Variants in ATRX observed in about 807,000 individuals in gnomAD.
ATRX encodes the protein chromatin remodeler ATRX.
Under a neutral mutation model 172.6 loss-of-function variants are expected in ATRX, and 12 were observed. That is an observed-to-expected ratio of 0.07 (90% CI 0.04 to 0.11). The LOEUF (loss-of-function observed/expected upper bound fraction) is 0.11, where lower values mean the gene tolerates loss of function less well. ATRX is among the 10% of genes least tolerant of loss of function. ATRX has a pLI of 1.00. For missense variants in ATRX, 1,368 were observed against 1,767.4 expected (o/e 0.77, Z 4.05); for synonymous variants, 674 against 594.7 (o/e 1.13, Z -1.94).
chrX:77,531,861 A>T (rs1009892355), intron 30 of ATRX, among the ~76,000 whole-genome samples: 2 of 111,912 alleles, frequency 1.8e-5, no homozygotes, highest in Non-Finnish European at 3.8e-5. Context: ...TGCAGATGAC[A>T]TGTCCCTATA....
Position 77,507,680 on chromosome X carries a change from T to G in ATRX, c.*671A>C, listed in dbSNP as rs1225676444. On this transcript the variant is annotated 3_prime_UTR_variant, in exon 35 of 35. Coordinates refer to ENST00000373344, the MANE Select transcript of ATRX (RefSeq NM_000489.6). ...AAAGAAGAAAAAGGAATTCTCTTCT[T>G]AGGCTATACTTAAGGCTGTTTATAC... The G allele has an allele frequency of 1.1e-5, 2 of 174,278 alleles. No homozygotes were observed. The highest frequency in any genetic ancestry group is 2.2e-5 in the Non-Finnish European group (2 of 91,265). 14.4% of individuals were successfully genotyped at this position (174,278 alleles called of 1,213,427 possible).
At chrX:77,659,296 C>A (rs1050562988) in intron 12 of ATRX, among the ~76,000 whole-genome samples, 2 of 110,927 alleles carry the variant, frequency 1.8e-5, no homozygotes, top group Non-Finnish European at 3.8e-5. Flanking sequence ...AACACACACA[C>A]TGACACAAAA....
chrX:77,696,695 T>C lies in ATRX; in HGVS notation c.252A>G (p.Ser84=), dbSNP rs2148677928. The change falls in exon 5 of 35, where the codon TCA becomes TCG. Residue 84 remains serine (S), a synonymous_variant. Coordinates refer to ENST00000373344, the MANE Select transcript of ATRX (RefSeq NM_000489.6). The part of the protein sequence containing the change: ...SGSSRSKRKP[S]IVTKYVESDD... ...CTGATTCTACATACTTTGTTACAAT[T>C]GAAGGTTTCCTATGAAAGAATTAAG... 3 of 1,198,000 alleles carry C rather than the reference T, an allele frequency of 2.5e-6. No homozygotes were observed. The highest frequency in any genetic ancestry group is 3.4e-6 in the Non-Finnish European group (3 of 883,844).
rs781899451 is a variant in ATRX at position 77,682,621 on chromosome X, C to A, written c.2635G>T (p.Ala879Ser). The change falls in exon 9 of 35, where the codon GCT becomes TCT. Residue 879 changes from alanine (A) to serine (S), a missense_variant. By Grantham distance (99) the Ala-to-Ser change is moderately conservative. This residue lies in a region of ATRX where 843 missense variants were observed against 643.1 expected (regional missense o/e 1.31). Transcript: ENST00000373344. The part of the protein sequence containing the change: ...KTSQEGSSDD[A>S]ERKQERETFS... ...GTCTCTCTCTCTTGTTTTCTTTCAG[C>A]ATCATCAGATGATCCTTCTTGTGAG... 8.3e-7 allele frequency: 1 copy of A among 1,208,554 alleles called. No individual in the cohort carries two copies. Among genetic ancestry groups the A allele is most frequent in the African/African-American group, 1.7e-5 (1 of 57,196 alleles).
At chrX:77,519,738 A>T (rs2147730850) in intron 34 of ATRX, among the ~76,000 whole-genome samples, 1 of 111,830 alleles carries the variant, frequency 8.9e-6, no homozygotes, top group South Asian at 3.8e-4. Context: ...ACTATGGAGA[A>T]CGGTTTGGAG....
chrX:77,751,056 T>G (rs1199473086), intron 1 of ATRX, among the ~76,000 whole-genome samples: 7 of 112,056 alleles, frequency 6.2e-5, no homozygotes, highest in Non-Finnish European at 1.3e-4. Context: ...GTAATGGGAT[T>G]GCTGGGTCAA....
intron 22 of ATRX, among the ~76,000 whole-genome samples, chrX:77,612,556 G>A (rs2067202975): frequency 9.1e-6 from 1 of 110,451 alleles, no homozygotes; most frequent in East Asian, 2.8e-4. Context: ...TGCACGTTCT[G>A]CACATGTATC....
chrX:77,672,992 A>G (rs1488727085), intron 10 of ATRX, among the ~76,000 whole-genome samples: 4 of 111,763 alleles, frequency 3.6e-5, no homozygotes, highest in Non-Finnish European at 7.5e-5. Context: ...TGGTCTCTTC[A>G]GTGATTGTTC....
Position 77,684,245 on chromosome X carries a change from G to A in ATRX, c.1011C>T (p.Gly337=), listed in dbSNP as rs2148632537. The A allele has an allele frequency of 5.8e-6, 7 of 1,210,530 alleles. No homozygotes were observed. Among genetic ancestry groups the A allele is most frequent in the Non-Finnish European group, 7.8e-6 (7 of 894,635 alleles). Residue 337 remains glycine (G), a synonymous_variant, in exon 9 of 35, where the codon GGC becomes GGT. Transcript: ENST00000373344. ...GTGCGGAATAAGAGTAGGTTACAGAGCCAGAACAGGAATCATCTAATTTCT... is the reference window on the plus strand; with the variant it reads ...GTGCGGAATAAGAGTAGGTTACAGAACCAGAACAGGAATCATCTAATTTCT... ...EEKKLDDSCS[G]SVTYSYSALI...
intron 34 of ATRX, among the ~76,000 whole-genome samples, chrX:77,512,400 A>T (rs782589427): frequency 8.9e-6 from 1 of 112,572 alleles, no homozygotes; most frequent in African/African-American, 3.2e-5. Context: ...AGTTACATGA[A>T]GGTATAAAAC....
intron 1 of ATRX, among the ~76,000 whole-genome samples, chrX:77,775,855 C>T (rs1169920051): frequency 1.8e-5 from 2 of 110,655 alleles, no homozygotes; most frequent in Non-Finnish European, 3.8e-5. Context: ...CCTCAGCCTC[C>T]TGAGTAGCTG....
intron 21 of ATRX, among the ~76,000 whole-genome samples, chrX:77,618,144 T>G (rs185283775): frequency 1.7e-4 from 19 of 112,296 alleles, no homozygotes; most frequent in African/African-American, 5.8e-4. Flanking sequence ...GGGCAAACTG[T>G]ATATCCAACC....
chrX:77,527,203 C>T (rs2063410889), intron 30 of ATRX, among the ~76,000 whole-genome samples: 1 of 112,021 alleles, frequency 8.9e-6, no homozygotes, highest in African/African-American at 3.2e-5. Flanking sequence ...TGGAACTGGA[C>T]AAAGGGCAAG....
chrX:77,626,068 T>C (rs1296206924), intron 19 of ATRX, among the ~76,000 whole-genome samples: 1 of 54,758 alleles, frequency 1.8e-5, no homozygotes, highest in African/African-American at 7.5e-5. Flanking sequence ...TATATATATA[T>C]ATATATATAT....
chrX:77,676,897 G>A (rs1328525436), intron 9 of ATRX, among the ~76,000 whole-genome samples: 1 of 111,928 alleles, frequency 8.9e-6, no homozygotes, highest in African/African-American at 3.2e-5. Flanking sequence ...CAAGGCAAGC[G>A]GATCACCTGA....
rs2148616519 is a variant in ATRX, at chrX:77,683,549, G to C, written c.1707C>G (p.Asp569Glu). The change falls in exon 9 of 35, where the codon GAC becomes GAG. Residue 569 changes from aspartate (D) to glutamate (E), a missense_variant. Transcript: ENST00000373344. Reference protein sequence around the residue: ...SSVKLNISSKDNRGGIKSKTT... With the variant: ...SSVKLNISSKENRGGIKSKTT... ...TTTTTGATTTAATACCTCCTCTGTT[G>C]TCTTTTGAAGAAATATTTAATTTTA... 2 of 1,209,158 alleles carry C rather than the reference G, an allele frequency of 1.7e-6. No individual in the cohort carries two copies. Among genetic ancestry groups the C allele is most frequent in the Non-Finnish European group, 2.2e-6 (2 of 893,764 alleles).
chrX:77,557,339 T>G, intron 30 of ATRX, 112 bp downstream of exon 30: 1 of 723,741 alleles, frequency 1.4e-6, no homozygotes, highest in South Asian at 2.4e-5. Flanking sequence ...CATTTTATTA[T>G]CCTTGAAAAA....
At position 77,707,958 on chromosome X, in the gene ATRX, C is replaced by G. The variant is rs998319190; in HGVS notation, c.133+9173G>C. 4.5e-5 allele frequency among the ~76,000 whole-genome samples: 5 copies of G among 112,045 alleles called. 1 individual carries two copies. The Admixed American group carries it at 4.7e-4, about 11-fold the overall frequency. ...GGTTGGCATGGACGTGAAGAACTCA[C>G]AATCTTTATATACTCCTGGTGGAAA... On this transcript the variant is annotated intron_variant, in intron 2 of 34. Transcript: ENST00000373344.
At chrX:77,748,374 G>A (rs1557186022) in intron 1 of ATRX, among the ~76,000 whole-genome samples, 3 of 111,005 alleles carry the variant, frequency 2.7e-5, no homozygotes, top group Non-Finnish European at 5.7e-5. Flanking sequence ...ATCAGTAGCA[G>A]TGATTGGGCT....
Sources: allele counts gnomAD v4.1 joint callset (sites outside exome capture counted in the v4.1 genomes callset), GRCh38; gene constraint gnomAD v4.1.1; regional missense constraint gnomAD v4.1.1; transcripts MANE v1.5; gene names NCBI Gene and HGNC (gene_info 2026-07-23, HGNC 2026-07-21).